Variants in UTRN observed in about 807,000 individuals in gnomAD.
UTRN encodes dystrophin-related protein 1.
A neutral mutation model predicts 463.9 loss-of-function variants in UTRN; 283 were observed. That is an observed-to-expected ratio of 0.61 (90% confidence interval 0.55 to 0.67). The LOEUF is 0.67. Ranked by LOEUF, UTRN falls within the 30% of genes least tolerant of loss-of-function variation. The pLI is 0.00. For missense variants in UTRN, 3,922 were observed against 4,084.3 expected (o/e 0.96, Z 1.08); for synonymous variants, 1,442 against 1,431.5 (o/e 1.01, Z -0.17).
At chr6:144,293,380 G>A (rs1443308700) in intron 2 of UTRN, among the ~76,000 whole-genome samples, 2 of 151,964 alleles carry the variant, frequency 1.3e-5, no homozygotes, top group African/African-American at 2.4e-5. Flanking sequence ...CAGAAATACC[G>A]TGTATATATA....
intron 53 of UTRN, among the ~76,000 whole-genome samples, chr6:144,704,925 G>GCA (rs1334440249): frequency 6.6e-6 from 1 of 152,142 alleles, no homozygotes; most frequent in Non-Finnish European, 1.5e-5. Context: ...TCACGCCACT[G>GCA]CACTCCAGCC....
chr6:144,674,459 T>G (rs1781389552), intron 51 of UTRN, among the ~76,000 whole-genome samples: 1 of 152,112 alleles, frequency 6.6e-6, no homozygotes, highest in Non-Finnish European at 1.5e-5. Flanking sequence ...GTATTTTGCA[T>G]TTCTCTGAGT....
chr6:144,773,690 A>G (rs376199090), intron 59 of UTRN, among the ~76,000 whole-genome samples: 2 of 152,342 alleles, frequency 1.3e-5, no homozygotes, highest in African/African-American at 2.4e-5. Flanking sequence ...GTATAATTTA[A>G]TGATAATAGA....
Position 144,699,473 on chromosome 6 carries a change from GTTTTTTTTTTTT to G in UTRN, c.7653-598_7653-587del, listed in dbSNP as rs71024902. Among the ~76,000 whole-genome samples the G allele has an allele frequency of 5.7e-3, 386 of 67,640 alleles. 8 individuals are homozygous for G. The highest frequency in any genetic ancestry group is 0.017 in the African/African-American group (308 of 18,276). 44.4% of individuals were successfully genotyped at this position (67,640 alleles called of 152,430 possible). ...AAATAATAATAATAATTAGTCAGTG[GTTTTTTTTTTTT>G]TTTTTTTTTTTTTTTGGAAAGAAAA... On this transcript the variant is annotated intron_variant, in intron 52 of 74. Transcript: ENST00000367545.
intron 54 of UTRN, 125 bp from the exon 55 acceptor site, chr6:144,748,121 C>A: frequency 8.0e-7 from 1 of 1,251,482 alleles, no homozygotes; most frequent in Non-Finnish European, 1.1e-6. Context: ...ACAATTTTTA[C>A]CCTGGAGTAA....
At chr6:144,572,551 C>G (rs1464834834) in intron 50 of UTRN, among the ~76,000 whole-genome samples, 1 of 152,026 alleles carries the variant, frequency 6.6e-6, no homozygotes, top group Non-Finnish European at 1.5e-5. Flanking sequence ...TTCCCTTGCC[C>G]CCCACCCCCT....
At chr6:144,445,047 G>A (rs545531489) in intron 14 of UTRN, among the ~76,000 whole-genome samples, 13 of 152,206 alleles carry the variant, frequency 8.5e-5, no homozygotes, top group African/African-American at 3.1e-4. Context: ...AACAGTTGTG[G>A]TTTAAAAAAT....
intron 2 of UTRN, among the ~76,000 whole-genome samples, chr6:144,295,738 C>G (rs1158201222): frequency 6.6e-6 from 1 of 152,204 alleles, no homozygotes; most frequent in Non-Finnish European, 1.5e-5. Context: ...ACGATTCTAG[C>G]AACTTACACT....
intron 49 of UTRN, 96 bp downstream of exon 49, chr6:144,554,989 G>GT: frequency 7.4e-7 from 1 of 1,351,306 alleles, no homozygotes; most frequent in Non-Finnish European, 1.0e-6. Context: ...ACCCTGCCAT[G>GT]TTTTTTCCTA....
intron 34 of UTRN, among the ~76,000 whole-genome samples, chr6:144,506,041 T>C (rs1172775956): frequency 1.3e-5 from 2 of 152,176 alleles, no homozygotes; most frequent in African/African-American, 4.8e-5. Context: ...CTTTGTTAGT[T>C]TAAAGTCTGT....
intron 2 of UTRN, among the ~76,000 whole-genome samples, chr6:144,350,376 G>A (rs2114656168): frequency 6.6e-6 from 1 of 152,162 alleles, no homozygotes; most frequent in South Asian, 2.1e-4. Flanking sequence ...TGTTTTCTAT[G>A]AATGTAAAAA....
At chr6:144,531,339 T>C (rs1797040964) in intron 42 of UTRN, 137 bp downstream of exon 42, 1 of 916,716 alleles carries the variant, frequency 1.1e-6, no homozygotes, top group Non-Finnish European at 1.5e-6. Context: ...GTTCCAATTC[T>C]TGTTACCAGT....
At chr6:144,367,169 G>A (rs1409155727) in intron 2 of UTRN, among the ~76,000 whole-genome samples, 1 of 152,024 alleles carries the variant, frequency 6.6e-6, no homozygotes, top group Non-Finnish European at 1.5e-5. Context: ...ATTTTTAGTA[G>A]AGATGGGGTT....
rs754177888 is a variant in UTRN, at chr6:144,781,885, T to C, written c.8633-37T>C. On this transcript the variant is annotated intron_variant, in intron 60 of 74. Coordinates refer to ENST00000367545, the MANE Select transcript of UTRN (RefSeq NM_007124.3). ...TGTTGTTATGTAATGTAATGTAATG[T>C]AATGACTGTAAACATTCCTTCTTCT... 5 of 1,502,140 alleles carry C rather than the reference T, an allele frequency of 3.3e-6. No homozygotes were observed. In the East Asian group the frequency reaches 9.1e-5, roughly 27 times the overall value. The allele number at this position is 1,502,140 out of a possible 1,614,324, so 93.1% of individuals were successfully genotyped here.
At chr6:144,577,975 C>T (rs890488100) in intron 51 of UTRN, among the ~76,000 whole-genome samples, 7 of 152,138 alleles carry the variant, frequency 4.6e-5, no homozygotes, top group African/African-American at 7.2e-5. Flanking sequence ...GGCCAAGGTG[C>T]GTAGGTCACC....
intron 43 of UTRN, among the ~76,000 whole-genome samples, chr6:144,535,667 T>A (rs1026694113): frequency 1.3e-5 from 2 of 152,202 alleles, no homozygotes; most frequent in Non-Finnish European, 2.9e-5. Context: ...CCATTTTGGG[T>A]AGATTGTATA....
intron 51 of UTRN, among the ~76,000 whole-genome samples, chr6:144,621,681 A>C (rs979005947): frequency 1.3e-5 from 2 of 152,180 alleles, no homozygotes; most frequent in African/African-American, 4.8e-5. Flanking sequence ...AGTGATTCTC[A>C]TCGTGTTCAC....
intron 34 of UTRN, among the ~76,000 whole-genome samples, chr6:144,501,570 A>G (rs1024321512): frequency 3.3e-5 from 5 of 152,070 alleles, no homozygotes; most frequent in Admixed American, 2.0e-4. Flanking sequence ...ATTTTTCTTT[A>G]CCTATACTTG....
At chr6:144,432,893 G>C (rs977387774) in intron 9 of UTRN, among the ~76,000 whole-genome samples, 2 of 152,058 alleles carry the variant, frequency 1.3e-5, no homozygotes, top group Admixed American at 1.3e-4. Context: ...GACTCTTAAC[G>C]AGCATGCTGC....
Sources: gnomAD v4.1 joint callset for allele counts (sites outside exome capture counted in the v4.1 genomes callset) on GRCh38, gnomAD v4.1.1 for gene constraint, MANE v1.5 for transcripts, NCBI Gene and HGNC (gene_info 2026-07-23, HGNC 2026-07-21) for gene names.